BCL2L13: variants seen among roughly 807,000 people sequenced by gnomAD.
The protein encoded by BCL2L13 is bcl-2-like protein 13.
Under a neutral mutation model 25.8 loss-of-function variants are expected in BCL2L13, and 13 were observed. The observed-to-expected ratio is 0.50, with a 90% CI of 0.33 to 0.80. BCL2L13 has a LOEUF of 0.80. Among genes scored for constraint, BCL2L13 ranks in the 30% least tolerant of loss-of-function variants. BCL2L13 has a pLI of 0.02. For synonymous variants in BCL2L13, 244 were observed against 230.3 expected (o/e 1.06, Z -0.54); for missense variants, 504 against 574.9 (o/e 0.88, Z 1.26).
At chr22:17,628,893 T>A (rs2146326713), upstream of BCL2L13, 1 of 548,848 alleles carries the variant, frequency 1.8e-6, no homozygotes, top group Non-Finnish European at 3.3e-6. Context: ...CGTCGCTGAC[T>A]CGTGACCTGA....
intron 2 of BCL2L13, 67 bp downstream of exon 2, chr22:17,655,899 T>A (rs2058838616): frequency 1.4e-6 from 2 of 1,414,538 alleles, no homozygotes; most frequent in African/African-American, 2.9e-5. Context: ...AAAGTATATG[T>A]ATCTAATTTA....
intron 1 of BCL2L13, among the ~76,000 whole-genome samples, chr22:17,633,504 G>T (rs942687928): frequency 2.6e-5 from 4 of 152,056 alleles, no homozygotes; most frequent in African/African-American, 9.7e-5. Context: ...GCCTATTTGT[G>T]GCTTCACCAA....
intron 1 of BCL2L13, among the ~76,000 whole-genome samples, chr22:17,653,495 ATTTTT>A (rs34652783): frequency 5.4e-5 from 6 of 110,720 alleles, no homozygotes; most frequent in African/African-American, 1.1e-4. Context: ...CTCCAGTATG[ATTTTT>A]TTTTTTTTTT....
intron 6 of BCL2L13, among the ~76,000 whole-genome samples, chr22:17,707,123 A>C (rs1568998100): frequency 6.6e-6 from 1 of 152,142 alleles, no homozygotes. Context: ...GGATGATCTG[A>C]AATTAATGAA....
chr22:17,655,828 C>T lies in BCL2L13; in HGVS notation c.117C>T (p.Pro39=), dbSNP rs925777221. Residue 39 remains proline (P), a synonymous_variant, in exon 2 of 7, where the codon CCC becomes CCT. Coordinates refer to ENST00000317582, the MANE Select transcript of BCL2L13 (RefSeq NM_015367.4). Reference sequence around the variant, plus strand: ...TGCAAGAGCAACATCTTTCCTCACCCCAAGGTATTATCTTTGGCTTATGGT... The same window carrying T: ...TGCAAGAGCAACATCTTTCCTCACCTCAAGGTATTATCTTTGGCTTATGGT... ...EKLQEQHLSS[P]QGVQLDIASQ... 3.1e-6 allele frequency: 5 copies of T among 1,611,832 alleles called. No individual in the cohort carries two copies. The highest frequency in any genetic ancestry group is 4.2e-6 in the Non-Finnish European group (5 of 1,179,004).
chr22:17,720,388 C>G (rs1204809142), intron 6 of BCL2L13, among the ~76,000 whole-genome samples: 2 of 152,028 alleles, frequency 1.3e-5, no homozygotes, highest in African/African-American at 4.8e-5. Flanking sequence ...TGGAGTTTCA[C>G]TCTTGTTGTC....
At chr22:17,630,432 A>G (rs1190029691) in intron 1 of BCL2L13, among the ~76,000 whole-genome samples, 2 of 150,972 alleles carry the variant, frequency 1.3e-5, no homozygotes, top group East Asian at 3.9e-4. Context: ...GGTGCCTGCC[A>G]CCATGCATGG....
intron 6 of BCL2L13, among the ~76,000 whole-genome samples, chr22:17,712,812 A>G (rs1283280761): frequency 6.6e-6 from 1 of 152,224 alleles, no homozygotes; most frequent in Non-Finnish European, 1.5e-5. Context: ...AGTAAACAGT[A>G]GCTATTTTAA....
chr22:17,640,854 A>T (rs895200064), intron 1 of BCL2L13, among the ~76,000 whole-genome samples: 4 of 150,838 alleles, frequency 2.7e-5, no homozygotes, highest in African/African-American at 9.7e-5. Flanking sequence ...TGACTCAAAA[A>T]ATATATATAT....
At chr22:17,701,165 G>C (rs1347412952) in intron 5 of BCL2L13, among the ~76,000 whole-genome samples, 1 of 151,930 alleles carries the variant, frequency 6.6e-6, no homozygotes, top group Non-Finnish European at 1.5e-5. Flanking sequence ...TTTAAGTATT[G>C]AGCCACATGG....
intron 6 of BCL2L13, among the ~76,000 whole-genome samples, chr22:17,724,897 C>A (rs369794409): frequency 6.6e-6 from 1 of 152,160 alleles, no homozygotes; most frequent in Non-Finnish European, 1.5e-5. Context: ...TGTGCATACA[C>A]CTGTCATAAA....
At chr22:17,720,396 G>T (rs1304972417) in intron 6 of BCL2L13, among the ~76,000 whole-genome samples, 1 of 151,788 alleles carries the variant, frequency 6.6e-6, no homozygotes, top group Non-Finnish European at 1.5e-5. Context: ...CACTCTTGTT[G>T]TCCAGGCCGG....
rs529864496 is a variant in BCL2L13, at chr22:17,651,865, T to G, written c.-50-3797T>G. Among the ~76,000 whole-genome samples the G allele has an allele frequency of 1.2e-4, 19 of 152,236 alleles. No individual in the cohort carries two copies. In the South Asian group the frequency reaches 3.7e-3, roughly 30 times the overall value. On this transcript the variant is annotated intron_variant, in intron 1 of 6. Coordinates refer to ENST00000317582, the MANE Select transcript of BCL2L13 (RefSeq NM_015367.4). Reference sequence around the variant, plus strand: ...GCCACCACGCCCGGCTAATTTTTTCTGTTTTTAGTAGAGACAGGGCTTCAC... The same window carrying G: ...GCCACCACGCCCGGCTAATTTTTTCGGTTTTTAGTAGAGACAGGGCTTCAC...
At position 17,729,639 on chromosome 22, in the gene BCL2L13, T is replaced by G. The variant is rs546399038; in HGVS notation, c.*2105T>G. 2.0e-5 allele frequency: 3 copies of G among 152,304 alleles called. No individual in the cohort carries two copies. The South Asian group carries it at 6.2e-4, about 32-fold the overall frequency. 9.4% of individuals were successfully genotyped at this position (152,304 alleles called of 1,614,324 possible). ...AAAGGAGGTGTGAGGCTTAGGAAATTGGAGCCTGTGTTGCCCACGAAAGGA... is the reference window on the plus strand; with the variant it reads ...AAAGGAGGTGTGAGGCTTAGGAAATGGGAGCCTGTGTTGCCCACGAAAGGA... On this transcript the variant is annotated 3_prime_UTR_variant, in exon 7 of 7. Transcript: ENST00000317582.
At chr22:17,669,157 T>C (rs982947581) in intron 2 of BCL2L13, among the ~76,000 whole-genome samples, 6 of 150,794 alleles carry the variant, frequency 4.0e-5, no homozygotes, top group Non-Finnish European at 8.8e-5. Flanking sequence ...CTCAGCCTCC[T>C]GAGTAGCTGG....
At chr22:17,684,606 C>T (rs770410022) in intron 3 of BCL2L13, 1 of 454,008 alleles carries the variant, frequency 2.2e-6, no homozygotes, top group South Asian at 1.6e-5. Context: ...TCTCATTGCC[C>T]AGGCTGGAGT....
intron 2 of BCL2L13, among the ~76,000 whole-genome samples, chr22:17,657,151 T>C (rs9605371): frequency 6.6e-6 from 1 of 152,114 alleles, no homozygotes; most frequent in Non-Finnish European, 1.5e-5. Flanking sequence ...TCTTTGGTGG[T>C]GTTTCAAACT....
chr22:17,661,391 A>C (rs1157182686), intron 2 of BCL2L13, among the ~76,000 whole-genome samples: 1 of 145,686 alleles, frequency 6.9e-6, no homozygotes, highest in Non-Finnish European at 1.6e-5. Context: ...GTGCCTGGCC[A>C]ACATTTTATT....
intron 6 of BCL2L13, among the ~76,000 whole-genome samples, chr22:17,719,943 AC>A (rs2061065206): frequency 6.6e-6 from 1 of 151,934 alleles, no homozygotes; most frequent in Non-Finnish European, 1.5e-5. Context: ...ATATTGCATG[AC>A]TCCATTTCTA....
Sources: allele counts gnomAD v4.1 joint callset (sites outside exome capture counted in the v4.1 genomes callset), GRCh38; gene constraint gnomAD v4.1.1; transcripts MANE v1.5; gene names NCBI Gene and HGNC (gene_info 2026-07-23, HGNC 2026-07-21).